The following ARHGAP10 variants were observed in gnomAD, a reference collection of about 807,000 sequenced individuals.
The protein encoded by ARHGAP10 is Rho GTPase activating protein 10.
Under a neutral mutation model 108.6 loss-of-function variants are expected in ARHGAP10, and 87 were observed. The observed-to-expected ratio is 0.80, with a 90% confidence interval of 0.67 to 0.96. The LOEUF is 0.96. ARHGAP10 is among the 40% of genes least tolerant of loss of function. The pLI, the probability that ARHGAP10 is intolerant of heterozygous loss-of-function variation, is 0.00. For missense variants in ARHGAP10, 939 were observed against 954.5 expected, an observed-to-expected ratio of 0.98 and a Z score of 0.21; for synonymous variants, 347 against 341.1, an observed-to-expected ratio of 1.02 and a Z score of -0.19.
chr4:147,852,274 C>A (rs2126824958), intron 4 of ARHGAP10, among the ~76,000 whole-genome samples: 1 of 152,266 alleles, frequency 6.6e-6, no homozygotes. Context: ...CTGGAGCCAC[C>A]ACTGAGGAAC....
At position 147,742,466 on chromosome 4, in the gene ARHGAP10, T is replaced by C. The variant is rs115821968; in HGVS notation, c.154+10011T>C. On this transcript the variant is annotated intron_variant, in intron 1 of 22. Transcript: ENST00000336498. ...TTACCCATAGTTACAGGAGAAATAGTCTGTGAACACTTTTTTTTTTTTTTT... is the reference window on the plus strand; with the variant it reads ...TTACCCATAGTTACAGGAGAAATAGCCTGTGAACACTTTTTTTTTTTTTTT... Among the ~76,000 whole-genome samples the C allele has an allele frequency of 7.8e-3, 1,158 of 147,918 alleles. 16 individuals carry two copies. Among genetic ancestry groups the C allele is most frequent in the African/African-American group, 0.027 (1,091 of 40,440 alleles).
intron 4 of ARHGAP10, among the ~76,000 whole-genome samples, chr4:147,849,630 T>C (rs1414408119): frequency 2.0e-5 from 3 of 152,244 alleles, no homozygotes; most frequent in Non-Finnish European, 4.4e-5. Context: ...CTGATAATGT[T>C]GTAGCCCTTG....
intron 7 of ARHGAP10, among the ~76,000 whole-genome samples, chr4:147,873,889 A>G (rs7697568): frequency 0.85 from 126,013 of 147,960 alleles, 56,220 homozygotes; most frequent in Non-Finnish European, 0.98. Flanking sequence ...AAAAAAAAAA[A>G]GGGGGGATAA....
At chr4:147,814,569 T>G (rs1732157562) in intron 1 of ARHGAP10, among the ~76,000 whole-genome samples, 1 of 152,166 alleles carries the variant, frequency 6.6e-6, no homozygotes, top group Admixed American at 6.5e-5. Context: ...TACTCCCACA[T>G]GTGGGAGTGT....
intron 22 of ARHGAP10, among the ~76,000 whole-genome samples, chr4:148,064,754 C>T (rs904559310): frequency 2.0e-5 from 3 of 152,114 alleles, no homozygotes; most frequent in Non-Finnish European, 4.4e-5. Context: ...TGTGGGTCTT[C>T]ATTCAGGTCA....
intron 1 of ARHGAP10, among the ~76,000 whole-genome samples, chr4:147,779,530 G>T (rs1385206124): frequency 1.3e-5 from 2 of 152,172 alleles, no homozygotes; most frequent in Admixed American, 1.3e-4. Flanking sequence ...TATCTCAGGA[G>T]TGCATTTGGG....
intron 15 of ARHGAP10, among the ~76,000 whole-genome samples, chr4:147,951,608 T>C (rs150638941): frequency 3.2e-4 from 49 of 152,116 alleles, no homozygotes; most frequent in African/African-American, 9.9e-4. Context: ...TATTTTTCAA[T>C]TTTCTTTTCA....
chr4:147,748,581 T>C (rs1328531404), intron 1 of ARHGAP10, among the ~76,000 whole-genome samples: 2 of 152,174 alleles, frequency 1.3e-5, no homozygotes, highest in Admixed American at 1.3e-4. Context: ...AGGAAACTTT[T>C]GGATGTGATA....
chr4:147,984,455 G>T (rs1296296416), intron 18 of ARHGAP10, among the ~76,000 whole-genome samples: 2 of 152,222 alleles, frequency 1.3e-5, no homozygotes, highest in Non-Finnish European at 2.9e-5. Flanking sequence ...AGCGGCTAAT[G>T]CCATGCCCGT....
intron 1 of ARHGAP10, among the ~76,000 whole-genome samples, chr4:147,806,699 C>T (rs1036723994): frequency 4.6e-5 from 7 of 152,102 alleles, no homozygotes; most frequent in Admixed American, 2.6e-4. Context: ...ACCCTTCAGG[C>T]GCCAGCATAT....
intron 3 of ARHGAP10, among the ~76,000 whole-genome samples, chr4:147,842,962 C>A (rs2126812417): frequency 6.6e-6 from 1 of 152,304 alleles, no homozygotes; most frequent in Non-Finnish European, 1.5e-5. Context: ...TGTAATGATT[C>A]TTTCATTCAT....
chr4:147,935,347 T>C (rs759170646), intron 13 of ARHGAP10, among the ~76,000 whole-genome samples: 1 of 151,078 alleles, frequency 6.6e-6, no homozygotes, highest in Non-Finnish European at 1.5e-5. Context: ...AATAAAAAGA[T>C]AGAAGACAGT....
intron 1 of ARHGAP10, among the ~76,000 whole-genome samples, chr4:147,778,996 A>G (rs1730420129): frequency 6.6e-6 from 1 of 152,192 alleles, no homozygotes; most frequent in South Asian, 2.1e-4. Flanking sequence ...TGACGTGGGA[A>G]TAGCGAATAT....
At chr4:147,797,176 A>G (rs1371437297) in intron 1 of ARHGAP10, among the ~76,000 whole-genome samples, 1 of 152,014 alleles carries the variant, frequency 6.6e-6, no homozygotes, top group Non-Finnish European at 1.5e-5. Context: ...CTTTCATTTA[A>G]TTCTATTCAA....
chr4:147,860,972 G>A (rs1311569407), intron 5 of ARHGAP10: 1 of 152,212 alleles, frequency 6.6e-6, no homozygotes, highest in Non-Finnish European at 1.5e-5. Context: ...CTGTTGTCAC[G>A]GAATTTTTAG....
At chr4:147,879,411 T>C in intron 9 of ARHGAP10, 73 bp downstream of exon 9, 1 of 1,299,502 alleles carries the variant, frequency 7.7e-7, no homozygotes, top group South Asian at 1.5e-5. Context: ...ATTTTAATGG[T>C]TTATATTTTA....
Position 148,064,436 on chromosome 4 carries a change from G to A in ARHGAP10, c.2201G>A (p.Arg734Gln), listed in dbSNP as rs764534458. ...PPESIRSRKA[R>Q]AVYPCEAEHS... Reference sequence around the variant, plus strand: ...TTCAGCATCCGCAGTCGGAAGGCTCGAGCCGTGTATCCGTGTGAAGCAGAA... The same window carrying A: ...TTCAGCATCCGCAGTCGGAAGGCTCAAGCCGTGTATCCGTGTGAAGCAGAA... The change falls in exon 22 of 23, where the codon CGA becomes CAA. Residue 734 changes from arginine (R) to glutamine (Q), a missense_variant. Coordinates refer to ENST00000336498, the MANE Select transcript of ARHGAP10 (RefSeq NM_024605.4). The A allele has an allele frequency of 1.9e-5, 31 of 1,613,858 alleles. No homozygotes were observed. Among genetic ancestry groups the A allele is most frequent in the Non-Finnish European group, 2.4e-5 (28 of 1,179,994 alleles).
At chr4:147,759,207 C>T (rs938886747) in intron 1 of ARHGAP10, among the ~76,000 whole-genome samples, 3 of 152,136 alleles carry the variant, frequency 2.0e-5, no homozygotes, top group Admixed American at 6.6e-5. Context: ...CTTCCACTTA[C>T]CAGTTTTATC....
At chr4:147,901,740 C>A (rs1489308337) in intron 10 of ARHGAP10, among the ~76,000 whole-genome samples, 1 of 152,202 alleles carries the variant, frequency 6.6e-6, no homozygotes, top group Non-Finnish European at 1.5e-5. Context: ...ACTCTTTAAG[C>A]CCTTCATCAT....
Sources: allele counts gnomAD v4.1 joint callset (sites outside exome capture counted in the v4.1 genomes callset), GRCh38; gene constraint gnomAD v4.1.1; transcripts MANE v1.5; gene names NCBI Gene and HGNC (gene_info 2026-07-23, HGNC 2026-07-21).